Variants in MPPED2 observed in about 807,000 individuals in gnomAD.
MPPED2 encodes metallophosphoesterase MPPED2.
MPPED2 carries 5 observed loss-of-function variants against 33.0 expected under a neutral mutation model. The ratio of observed to expected loss-of-function variants is 0.15; its 90% confidence interval spans 0.08 to 0.32. The LOEUF (loss-of-function observed/expected upper bound fraction) is 0.32, where lower values mean the gene tolerates loss of function less well. Among genes scored for constraint, MPPED2 ranks in the 10% least tolerant of loss-of-function variants. The probability of loss-of-function intolerance (pLI) is 1.00; values close to 1 mark genes in which losing one functional copy is unlikely to be tolerated. For synonymous variants in MPPED2, 136 were observed against 141.9 expected (o/e 0.96, Z 0.29); for missense variants, 275 against 372.1 (o/e 0.74, Z 2.15).
At chr11:30,559,823 C>T (rs1204233107) in intron 2 of MPPED2, among the ~76,000 whole-genome samples, 1 of 152,126 alleles carries the variant, frequency 6.6e-6, no homozygotes, top group Admixed American at 6.5e-5. Context: ...ACTGGCATGC[C>T]TTTTCTTTTT....
Position 30,554,376 on chromosome 11 carries a change from C to T in MPPED2, c.129-18201G>A, listed in dbSNP as rs115520622. Among the ~76,000 whole-genome samples the T allele has an allele frequency of 8.3e-3, 1,262 of 152,280 alleles. 16 individuals carry two copies. The highest frequency in any genetic ancestry group is 0.028 in the African/African-American group (1,163 of 41,550). ...TAAGCTTTGCTATCCTACCACAACT[C>T]CAGGGACTGCAGTATGTCCTTGTCC... On this transcript the variant is annotated intron_variant, in intron 2 of 6. Coordinates refer to ENST00000358117, the MANE Select transcript of MPPED2 (RefSeq NM_001584.3).
At chr11:30,569,124 T>C (rs373533893) in intron 2 of MPPED2, among the ~76,000 whole-genome samples, 3 of 152,096 alleles carry the variant, frequency 2.0e-5, no homozygotes, top group Admixed American at 1.3e-4. Flanking sequence ...CAGTGGAGCG[T>C]GCCGACAGCC....
chr11:30,470,622 C>T (rs1228989422), intron 4 of MPPED2, among the ~76,000 whole-genome samples: 3 of 152,088 alleles, frequency 2.0e-5, no homozygotes, highest in African/African-American at 7.2e-5. Context: ...CTCTACAAAA[C>T]TTTTTCTAAA....
chr11:30,489,398 G>A (rs1038583523), intron 4 of MPPED2, among the ~76,000 whole-genome samples: 2 of 152,206 alleles, frequency 1.3e-5, no homozygotes, highest in African/African-American at 4.8e-5. Context: ...TGCAGAGAGT[G>A]AAATCAACTC....
intron 2 of MPPED2, among the ~76,000 whole-genome samples, chr11:30,538,318 G>T (rs73459704): frequency 6.6e-6 from 1 of 152,226 alleles, no homozygotes; most frequent in African/African-American, 2.4e-5. Flanking sequence ...CCTTTGGGAG[G>T]TCATCTCAGC....
chr11:30,555,556 T>TC, intron 2 of MPPED2, among the ~76,000 whole-genome samples: 1 of 152,104 alleles, frequency 6.6e-6, no homozygotes, highest in East Asian at 1.9e-4. Flanking sequence ...GGCAGGTTTT[T>TC]CCCGTGCCCT....
At chr11:30,427,304 G>A (rs907443708) in intron 4 of MPPED2, among the ~76,000 whole-genome samples, 3 of 152,146 alleles carry the variant, frequency 2.0e-5, no homozygotes, top group African/African-American at 4.8e-5. Flanking sequence ...ATTTTATTAC[G>A]TTTGATTTCA....
intron 4 of MPPED2, among the ~76,000 whole-genome samples, chr11:30,487,142 CCA>C (rs1352605020): frequency 4.6e-5 from 7 of 152,180 alleles, no homozygotes; most frequent in Non-Finnish European, 1.0e-4. Flanking sequence ...CTCTTTCTAT[CCA>C]CCAGCAGCAA....
chr11:30,404,318 C>T lies in MPPED2; in HGVS notation c.766+9910G>A, dbSNP rs145097601. ...CATTTATGTGCTGAATGGGAGAAAACGAGTCAACAACTGATGCATGCAAAA... is the reference window on the plus strand; with the variant it reads ...CATTTATGTGCTGAATGGGAGAAAATGAGTCAACAACTGATGCATGCAAAA... On this transcript the variant is annotated intron_variant, in intron 6 of 6. Coordinates refer to the MPPED2 transcript ENST00000448418. Among the ~76,000 whole-genome samples the T allele has an allele frequency of 1.3e-3, 197 of 152,284 alleles. 1 individual carries two copies. Among genetic ancestry groups the T allele is most frequent in the African/African-American group, 4.2e-3 (173 of 41,554 alleles).
chr11:30,503,525 A>G (rs939545293), intron 3 of MPPED2, among the ~76,000 whole-genome samples: 48 of 152,048 alleles, frequency 3.2e-4, no homozygotes, highest in Admixed American at 3.1e-3. Context: ...TTAAAATCAG[A>G]GATCTGGTCA....
intron 6 of MPPED2, among the ~76,000 whole-genome samples, chr11:30,395,090 T>A (rs1479972930): frequency 1.3e-5 from 2 of 152,198 alleles, no homozygotes; most frequent in Non-Finnish European, 2.9e-5. Context: ...CATAGTATCT[T>A]GATTAATGTG....
At chr11:30,515,273 T>C (rs1416718265) in intron 3 of MPPED2, among the ~76,000 whole-genome samples, 1 of 152,004 alleles carries the variant, frequency 6.6e-6, no homozygotes, top group Non-Finnish European at 1.5e-5. Flanking sequence ...GCAGAATATA[T>C]CCCCAATCCC....
intron 2 of MPPED2, among the ~76,000 whole-genome samples, chr11:30,559,999 G>A (rs180922095): frequency 3.8e-4 from 58 of 152,312 alleles, no homozygotes; most frequent in Admixed American, 3.8e-3. Flanking sequence ...TGTTTTGTGG[G>A]TAACCACACT....
intron 3 of MPPED2, among the ~76,000 whole-genome samples, chr11:30,528,464 C>T (rs1954327836): frequency 6.6e-6 from 1 of 151,980 alleles, no homozygotes; most frequent in Non-Finnish European, 1.5e-5. Flanking sequence ...TGCCATGTTG[C>T]CCACGCTGGT....
chr11:30,551,216 G>A (rs149615211), intron 2 of MPPED2, among the ~76,000 whole-genome samples: 209 of 152,188 alleles, frequency 1.4e-3, no homozygotes, highest in African/African-American at 4.8e-3. Flanking sequence ...CTATTCCCAC[G>A]CTTAGGCACC....
intron 4 of MPPED2, chr11:30,429,210 T>C (rs1275776203): frequency 6.6e-6 from 1 of 152,200 alleles, no homozygotes; most frequent in Non-Finnish European, 1.5e-5. Flanking sequence ...TCTAGCAAGA[T>C]TGTCAAACAA....
Position 30,476,293 on chromosome 11 carries a change from GTTGT to G in MPPED2, c.536+18999_536+19002del, listed in dbSNP as rs369988716. On this transcript the variant is annotated intron_variant, in intron 4 of 6. Transcript: ENST00000358117. ...GTCATTATTTTCTTCAGTGGTTTAT[GTTGT>G]TTATGTTTTTTGTGTCCGAATCTAA... 9.7e-4 allele frequency among the ~76,000 whole-genome samples: 148 copies of G among 152,038 alleles called. 1 individual carries two copies. The highest frequency in any genetic ancestry group is 3.2e-3 in the African/African-American group (134 of 41,508).
chr11:30,510,434 G>A (rs1446297847), intron 3 of MPPED2, among the ~76,000 whole-genome samples: 2 of 152,068 alleles, frequency 1.3e-5, no homozygotes, highest in East Asian at 3.9e-4. Context: ...TAACTAAGGG[G>A]CTACATTTGC....
intron 3 of MPPED2, among the ~76,000 whole-genome samples, chr11:30,509,975 G>C: frequency 6.6e-6 from 1 of 152,180 alleles, no homozygotes; most frequent in East Asian, 1.9e-4. Context: ...AGATCAGAAT[G>C]TTTAGGTTCA....
Sources: allele counts gnomAD v4.1 joint callset (sites outside exome capture counted in the v4.1 genomes callset), GRCh38; gene constraint gnomAD v4.1.1; transcripts MANE v1.5; gene names NCBI Gene and HGNC (gene_info 2026-07-23, HGNC 2026-07-21).